The following CEP152 variants were observed in gnomAD, a reference collection of about 807,000 sequenced individuals.
The protein encoded by CEP152 is centrosomal protein of 152 kDa.
Under a neutral mutation model 188.9 loss-of-function variants are expected in CEP152, and 132 were observed. The ratio of observed to expected loss-of-function variants is 0.70; its 90% CI spans 0.61 to 0.81. CEP152 has a LOEUF of 0.81. Ranked by LOEUF, CEP152 falls within the 30% of genes least tolerant of loss-of-function variation. The probability of loss-of-function intolerance (pLI) is 0.00; values close to 1 mark genes in which losing one functional copy is unlikely to be tolerated. For missense variants in CEP152, 1,914 were observed against 1,969.8 expected (o/e 0.97, Z 0.54); for synonymous variants, 649 against 666.6 (o/e 0.97, Z 0.41).
intron 13 of CEP152, among the ~76,000 whole-genome samples, 166 bp from the exon 14 acceptor site, chr15:48,769,247 A>G (rs540724846): frequency 2.6e-5 from 4 of 152,332 alleles, no homozygotes; most frequent in African/African-American, 9.6e-5. Context: ...AAACTAGTAA[A>G]TTAACACAGA....
intron 9 of CEP152, among the ~76,000 whole-genome samples, chr15:48,786,206 C>T (rs1288015526): frequency 6.6e-6 from 1 of 152,072 alleles, no homozygotes; most frequent in African/African-American, 2.4e-5. Context: ...AGGAGATAAT[C>T]AGAGATCTTA....
At chr15:48,784,397 G>A (rs1431248194) in intron 9 of CEP152, among the ~76,000 whole-genome samples, 1 of 152,104 alleles carries the variant, frequency 6.6e-6, no homozygotes, top group Non-Finnish European at 1.5e-5. Flanking sequence ...AAGACAATGA[G>A]TTATTCAAAA....
intron 13 of CEP152, 75 bp downstream of exon 13, chr15:48,772,412 A>G: frequency 1.7e-6 from 2 of 1,143,414 alleles, no homozygotes; most frequent in Non-Finnish European, 1.2e-6. Flanking sequence ...CCCTGTCTCA[A>G]AAAAAAAAAA....
Position 48,756,554 on chromosome 15 carries a change from C to A in CEP152, c.2695-1G>T, listed in dbSNP as rs768349870. ...TAGCTTCAGAAACAGCAAATGATAT[C>A]TAAAGAACATAACAACATGCATTTT... On this transcript the variant is annotated splice_acceptor_variant, in intron 19 of 26. Transcript: ENST00000380950. LOFTEE classifies it high-confidence loss of function. 6.9e-6 allele frequency: 11 copies of A among 1,603,614 alleles called. No individual in the cohort carries two copies. The highest frequency in any genetic ancestry group is 9.3e-6 in the Non-Finnish European group (11 of 1,179,642).
Position 48,788,084 on chromosome 15 carries a change from C to T in CEP152, c.1173+717G>A, listed in dbSNP as rs148350298. Among the ~76,000 whole-genome samples, 596 of 152,270 alleles carry T rather than the reference C, an allele frequency of 3.9e-3. 9 individuals carry two copies. Among genetic ancestry groups the T allele is most frequent in the East Asian group, 0.029 (150 of 5,182 alleles). ...GTGAATTACCAAATGCTGGGAGACTCAAGTAAGGTTTTCTACTGGTTAAGC... is the reference window on the plus strand; with the variant it reads ...GTGAATTACCAAATGCTGGGAGACTTAAGTAAGGTTTTCTACTGGTTAAGC... On this transcript the variant is annotated intron_variant, in intron 9 of 26. Transcript: ENST00000380950.
intron 25 of CEP152, 28 bp downstream of exon 25, chr15:48,741,919 C>T (rs892610873): frequency 1.2e-6 from 2 of 1,614,032 alleles, no homozygotes; most frequent in African/African-American, 2.7e-5. Context: ...CTGGTAATCT[C>T]AGGACACATT....
In CEP152 at chr15:48,744,123, A is replaced by T. The variant is rs560667644; in HGVS notation, c.3835+117T>A. ...CAATAATCTCTTTTAAGATTGAAGA[A>T]AAAGGTAATTTGGAAAATTCCCTAG... On this transcript the variant is annotated intron_variant, in intron 24 of 26. Transcript: ENST00000380950. 5.6e-4 allele frequency: 828 copies of T among 1,490,604 alleles called. 1 individual carries two copies. The highest frequency in any genetic ancestry group is 9.7e-4 in the Middle Eastern group (5 of 5,154). 92.3% of individuals were successfully genotyped at this position (1,490,604 alleles called of 1,614,324 possible).
Position 48,738,787 on chromosome 15 carries a change from C to G in CEP152, c.4595G>C (p.Gly1532Ala). The G allele has an allele frequency of 6.2e-7, 1 of 1,614,152 alleles. No individual in the cohort carries two copies. The highest frequency in any genetic ancestry group is 8.5e-7 in the Non-Finnish European group (1 of 1,180,006). The change falls in exon 27 of 27, where the codon GGT (glycine) becomes GCT (alanine). Residue 1532 changes from glycine to alanine, a missense_variant. Physicochemically the swap from Gly to Ala is moderately conservative, Grantham distance 60. Transcript: ENST00000380950. ...TGGATTGCATTTATATACTTTTAAACCAAGTCTTTCATTAGAATCGCGAAA... is the reference window on the plus strand; with the variant it reads ...TGGATTGCATTTATATACTTTTAAAGCAAGTCTTTCATTAGAATCGCGAAA... ...ITFRDSNERLGLKVYKCNPLM... is the reference protein window; with the variant it reads ...ITFRDSNERLALKVYKCNPLM...
chr15:48,771,140 T>TA (rs1038555279), intron 13 of CEP152, among the ~76,000 whole-genome samples: 1 of 151,660 alleles, frequency 6.6e-6, no homozygotes, highest in Non-Finnish European at 1.5e-5. Flanking sequence ...TATGGAAGGG[T>TA]AAAAAAAAGG....
chr15:48,786,144 C>T (rs533737647), intron 9 of CEP152, among the ~76,000 whole-genome samples: 3 of 152,014 alleles, frequency 2.0e-5, no homozygotes, highest in South Asian at 2.1e-4. Context: ...CATGACTTCA[C>T]CAAAAGCTGA....
At chr15:48,784,960 A>T (rs1436524047) in intron 9 of CEP152, among the ~76,000 whole-genome samples, 1 of 152,166 alleles carries the variant, frequency 6.6e-6, no homozygotes, top group African/African-American at 2.4e-5. Flanking sequence ...CTTTCTTTCA[A>T]AAAAGGCTAC....
At chr15:48,800,445 C>G (rs1430105462) in intron 2 of CEP152, among the ~76,000 whole-genome samples, 1 of 152,090 alleles carries the variant, frequency 6.6e-6, no homozygotes, top group African/African-American at 2.4e-5. Flanking sequence ...TCAAAGTGTG[C>G]CCTCCTCATA....
intron 17 of CEP152, among the ~76,000 whole-genome samples, chr15:48,764,480 T>G (rs1392681012): frequency 1.3e-5 from 2 of 152,156 alleles, no homozygotes; most frequent in African/African-American, 4.8e-5. Context: ...GTGTCTTGGA[T>G]AGCAAAAAAA....
At chr15:48,748,256 T>G (rs1453870081) in intron 22 of CEP152, among the ~76,000 whole-genome samples, 187 bp downstream of exon 22, 1 of 152,144 alleles carries the variant, frequency 6.6e-6, no homozygotes, top group Admixed American at 6.5e-5. Context: ...GACCTTTTAA[T>G]CAGAGCTGAA....
intron 12 of CEP152, among the ~76,000 whole-genome samples, chr15:48,778,514 C>A (rs999200723): frequency 2.0e-5 from 3 of 152,216 alleles, no homozygotes; most frequent in African/African-American, 7.2e-5. Context: ...TTGTGCTTCA[C>A]TGGATGTCTT....
chr15:48,744,315 C>T lies in CEP152; in HGVS notation c.3760G>A (p.Ala1254Thr), dbSNP rs1893249662. 3 of 1,613,930 alleles carry T rather than the reference C, an allele frequency of 1.9e-6. No individual in the cohort carries two copies. The highest frequency in any genetic ancestry group is 2.5e-6 in the Non-Finnish European group (3 of 1,179,970). The change falls in exon 24 of 27, where the codon GCT (alanine) becomes ACT (threonine). Residue 1254 changes from alanine to threonine, a missense_variant. Transcript: ENST00000380950. Reference protein sequence around the residue: ...RSLSAGAIENACLPCSGGALE... With the variant: ...RSLSAGAIENTCLPCSGGALE... ...GCTCCCCCACTGCATGGCAGGCAAG[C>T]ATTTTCAATGGCCCCTGCTGACAAT...
chr15:48,780,385 G>A (rs988084766), intron 12 of CEP152, among the ~76,000 whole-genome samples: 2 of 152,096 alleles, frequency 1.3e-5, no homozygotes, highest in African/African-American at 2.4e-5. Context: ...TGAGATCACA[G>A]TCTCAAAATA....
In CEP152 at chr15:48,764,662, AT is replaced by A. The variant is rs747479633; in HGVS notation, c.2281-1991del. ...CAACCTGAAGGATTCCGTGTATATG[AT>A]TTTTTCCCCCTTTCTCTCAATGAGC... On this transcript the variant is annotated intron_variant, in intron 17 of 26. Coordinates refer to ENST00000380950, the MANE Select transcript of CEP152 (RefSeq NM_001194998.2). Among the ~76,000 whole-genome samples the A allele has an allele frequency of 7.9e-5, 12 of 152,166 alleles. No individual in the cohort carries two copies. The East Asian group carries it at 9.7e-4, about 12-fold the overall frequency.
At chr15:48,753,925 T>C (rs983154632) in intron 20 of CEP152, among the ~76,000 whole-genome samples, 5 of 152,236 alleles carry the variant, frequency 3.3e-5, no homozygotes, top group Non-Finnish European at 5.9e-5. Context: ...TGTTTTTATA[T>C]ATTAATAAAC....
Sources: gnomAD v4.1 joint callset for allele counts (sites outside exome capture counted in the v4.1 genomes callset) on GRCh38, gnomAD v4.1.1 for gene constraint, MANE v1.5 for transcripts, NCBI Gene and HGNC (gene_info 2026-07-23, HGNC 2026-07-21) for gene names.